GRAMD1B: variants seen among roughly 807,000 people sequenced by gnomAD.
GRAMD1B encodes the protein protein Aster-B.
GRAMD1B carries 37 observed loss-of-function variants against 99.7 expected under a neutral mutation model. The observed-to-expected ratio is 0.37, with a 90% CI of 0.29 to 0.49. The LOEUF (loss-of-function observed/expected upper bound fraction) is 0.49. Among genes scored for constraint, GRAMD1B ranks in the 20% least tolerant of loss-of-function variants. The pLI, the probability that GRAMD1B is intolerant of heterozygous loss-of-function variation, is 0.98. For synonymous variants in GRAMD1B, 427 were observed against 387.6 expected (o/e 1.10, Z -1.19); for missense variants, 888 against 1,009.2 (o/e 0.88, Z 1.63).
intron 4 of GRAMD1B, among the ~76,000 whole-genome samples, chr11:123,590,571 C>T (rs2136470717): frequency 6.6e-6 from 1 of 152,312 alleles, no homozygotes; most frequent in African/African-American, 2.4e-5. Context: ...GGGCCCAGCT[C>T]TTCCCACCCA....
At chr11:123,369,759 C>G (rs1210551993) in intron 1 of GRAMD1B, among the ~76,000 whole-genome samples, 2 of 151,756 alleles carry the variant, frequency 1.3e-5, no homozygotes, top group Non-Finnish European at 2.9e-5. Flanking sequence ...GTGTTCCCAG[C>G]TACTCAGGAG....
At chr11:123,394,162 T>A (rs1266305677) in intron 1 of GRAMD1B, among the ~76,000 whole-genome samples, 17 of 152,224 alleles carry the variant, frequency 1.1e-4, no homozygotes, top group Non-Finnish European at 2.5e-4. Context: ...GAACCAGACA[T>A]GTAAATTAGT....
intron 2 of GRAMD1B, chr11:123,559,608 G>A (rs1165272368): frequency 6.4e-6 from 6 of 934,092 alleles, no homozygotes; most frequent in Non-Finnish European, 7.7e-6. Context: ...CTGCATTTCG[G>A]TGAATGGACA....
Position 123,591,525 on chromosome 11 carries a change from C to T in GRAMD1B, c.685-2557C>T. Reference sequence around the variant, plus strand: ...GCTGAACACCGTTGCTGGCACGGATCTGAGGAAATCCCAGCCGTGAGTGTG... The same window carrying T: ...GCTGAACACCGTTGCTGGCACGGATTTGAGGAAATCCCAGCCGTGAGTGTG... On this transcript the variant is annotated intron_variant, in intron 4 of 19. Transcript: ENST00000635736. The surrounding 1 kb of genome is among the most constrained non-coding windows in gnomAD (Gnocchi z 4.7). 2.5e-6 allele frequency: 1 copy of T among 398,978 alleles called. No homozygotes were observed. The highest frequency in any genetic ancestry group is 3.6e-5 in the East Asian group (1 of 28,064). 24.7% of individuals were successfully genotyped at this position (398,978 alleles called of 1,614,324 possible).
chr11:123,438,607 G>A (rs1045524184), intron 1 of GRAMD1B, among the ~76,000 whole-genome samples: 1 of 152,166 alleles, frequency 6.6e-6, no homozygotes, highest in South Asian at 2.1e-4. Context: ...GGAACCCTGT[G>A]GGCTGATTTC....
intron 1 of GRAMD1B, among the ~76,000 whole-genome samples, chr11:123,432,383 T>TC (rs1256129919): frequency 1.3e-5 from 2 of 151,870 alleles, no homozygotes; most frequent in African/African-American, 4.8e-5. Context: ...ATGGCGAAAC[T>TC]CCATTTCTGT....
chr11:123,419,126 A>T (rs1948333186), intron 1 of GRAMD1B, among the ~76,000 whole-genome samples: 1 of 152,216 alleles, frequency 6.6e-6, no homozygotes, highest in South Asian at 2.1e-4. Flanking sequence ...GAACAGAAGG[A>T]AAAGACATCA....
At chr11:123,600,253 A>T (rs1951784039) in intron 7 of GRAMD1B, among the ~76,000 whole-genome samples, 1 of 152,134 alleles carries the variant, frequency 6.6e-6, no homozygotes, top group Admixed American at 6.5e-5. Context: ...GAGTGGAAGG[A>T]CTTTGTCACA....
At chr11:123,612,925 G>C (rs372747888) in intron 15 of GRAMD1B, 61 bp downstream of exon 15, 3 of 920,344 alleles carry the variant, frequency 3.3e-6, no homozygotes. Flanking sequence ...CACTGCGGCC[G>C]CCCACCATTC....
intron 1 of GRAMD1B, among the ~76,000 whole-genome samples, chr11:123,473,983 A>G (rs1368542065): frequency 6.6e-6 from 1 of 152,200 alleles, no homozygotes; most frequent in African/African-American, 2.4e-5. Flanking sequence ...TGCCAGAGTC[A>G]TTTTATATGT....
chr11:123,470,146 G>C (rs939876106), intron 1 of GRAMD1B, among the ~76,000 whole-genome samples: 2 of 152,110 alleles, frequency 1.3e-5, no homozygotes, highest in African/African-American at 2.4e-5. Context: ...GGTTCTCCAT[G>C]ATCAAGTCAT....
intron 1 of GRAMD1B, among the ~76,000 whole-genome samples, chr11:123,446,176 A>AT (rs374875241): frequency 3.3e-5 from 5 of 151,304 alleles, no homozygotes; most frequent in African/African-American, 7.3e-5. Flanking sequence ...TTTTATTATT[A>AT]TTTTTTTTAG....
At chr11:123,469,106 G>A (rs1950857358) in intron 1 of GRAMD1B, among the ~76,000 whole-genome samples, 1 of 151,972 alleles carries the variant, frequency 6.6e-6, no homozygotes, top group Non-Finnish European at 1.5e-5. Context: ...CAGTAGAAAG[G>A]CAAATTAAAA....
rs73029874 is a variant in GRAMD1B at position 123,618,917 on chromosome 11, C to T, written c.2426+117C>T. ...CTTCCCCATCCCTCTGGGATGAGCC[C>T]ACAGGGAAACTCAGAATCTCTCCCT... On this transcript the variant is annotated intron_variant, in intron 18 of 19. Transcript: ENST00000635736. The T allele has an allele frequency of 9.8e-3, 7,053 of 722,180 alleles. 56 individuals carry two copies. The highest frequency in any genetic ancestry group is 0.014 in the Non-Finnish European group (5,725 of 404,234). 44.7% of individuals were successfully genotyped at this position (722,180 alleles called of 1,614,324 possible).
At chr11:123,550,134 C>T (rs73027960) in intron 2 of GRAMD1B, among the ~76,000 whole-genome samples, 15,618 of 152,202 alleles carry the variant, frequency 0.1, 916 homozygotes, top group Middle Eastern at 0.15. Flanking sequence ...CATCCGTGAG[C>T]GCTCCTGATT....
At chr11:123,360,510 C>T (rs373930649) in intron 1 of GRAMD1B, among the ~76,000 whole-genome samples, 2 of 152,068 alleles carry the variant, frequency 1.3e-5, no homozygotes, top group African/African-American at 4.8e-5. Context: ...CTCAAAAGGG[C>T]GTGTGGTAGT....
chr11:123,388,993 A>G (rs1358557250), intron 1 of GRAMD1B, among the ~76,000 whole-genome samples: 2 of 152,142 alleles, frequency 1.3e-5, no homozygotes, highest in Non-Finnish European at 2.9e-5. Flanking sequence ...TTATAATAGT[A>G]CATACTCCTG....
chr11:123,409,614 T>C (rs1304918877), intron 1 of GRAMD1B, among the ~76,000 whole-genome samples: 3 of 152,174 alleles, frequency 2.0e-5, no homozygotes, highest in Non-Finnish European at 4.4e-5. Context: ...TCCAGTCCCC[T>C]GGGTGCTCGT....
intron 2 of GRAMD1B, among the ~76,000 whole-genome samples, chr11:123,550,163 G>A (rs1241794221): frequency 6.6e-6 from 1 of 152,200 alleles, no homozygotes; most frequent in Non-Finnish European, 1.5e-5. Context: ...GAGAGTCCAG[G>A]CTGAATTAAA....
Sources: allele counts gnomAD v4.1 joint callset (sites outside exome capture counted in the v4.1 genomes callset), GRCh38; gene constraint gnomAD v4.1.1; non-coding constraint Gnocchi (gnomAD v3.1); transcripts MANE v1.5; gene names NCBI Gene and HGNC (gene_info 2026-07-23, HGNC 2026-07-21).